KCNIP3: variants seen among roughly 807,000 people sequenced by gnomAD.
The protein encoded by KCNIP3 is calsenilin.
Under a neutral mutation model 35.0 loss-of-function variants are expected in KCNIP3, and 28 were observed. The ratio of observed to expected loss-of-function variants is 0.80; its 90% CI spans 0.59 to 1.10. KCNIP3 has a LOEUF of 1.10. KCNIP3 is among the 50% of genes least tolerant of loss of function. The pLI, the probability that KCNIP3 is intolerant of heterozygous loss-of-function variation, is 0.00. For synonymous variants in KCNIP3, 134 were observed against 133.8 expected (o/e 1.00, Z -0.01); for missense variants, 295 against 338.4 (o/e 0.87, Z 1.01).
chr2:95,301,712 A>G (rs1469439617), intron 1 of KCNIP3, among the ~76,000 whole-genome samples: 1 of 151,998 alleles, frequency 6.6e-6, no homozygotes, highest in East Asian at 1.9e-4. Context: ...GGGCAACTCA[A>G]GTTCACCCCT....
intron 2 of KCNIP3, among the ~76,000 whole-genome samples, chr2:95,351,797 T>G (rs1466375835): frequency 6.6e-6 from 1 of 152,000 alleles, no homozygotes; most frequent in Non-Finnish European, 1.5e-5. Context: ...CTCATCAACA[T>G]AGCAAGACCC....
At chr2:95,325,980 C>T (rs1262073048) in intron 2 of KCNIP3, among the ~76,000 whole-genome samples, 1 of 151,086 alleles carries the variant, frequency 6.6e-6, no homozygotes, top group African/African-American at 2.4e-5. Flanking sequence ...CACACATACA[C>T]TCCTACACAC....
At chr2:95,370,035 TTTTC>T (rs1484588587) in intron 2 of KCNIP3, among the ~76,000 whole-genome samples, 2 of 152,224 alleles carry the variant, frequency 1.3e-5, no homozygotes, top group African/African-American at 4.8e-5. Flanking sequence ...TTATGCTTTC[TTTTC>T]TTTATTTCTT....
intron 2 of KCNIP3, chr2:95,313,029 C>T (rs1318004059): frequency 6.6e-6 from 1 of 152,490 alleles, no homozygotes. Context: ...GGAGCTGGCA[C>T]AGGCTCTGGG....
At chr2:95,326,661 G>A (rs1438082859) in intron 2 of KCNIP3, among the ~76,000 whole-genome samples, 3 of 152,228 alleles carry the variant, frequency 2.0e-5, no homozygotes, top group Non-Finnish European at 4.4e-5. Flanking sequence ...TCTCCCCAGA[G>A]GACAGGCCTC....
intron 2 of KCNIP3, among the ~76,000 whole-genome samples, chr2:95,346,452 C>T (rs1364796509): frequency 6.6e-6 from 1 of 150,414 alleles, no homozygotes; most frequent in Non-Finnish European, 1.5e-5. Context: ...CCGGGCGGGG[C>T]GGGGCCGGCT....
At chr2:95,348,204 C>G (rs1573505068) in intron 2 of KCNIP3, among the ~76,000 whole-genome samples, 1 of 152,336 alleles carries the variant, frequency 6.6e-6, no homozygotes, top group Middle Eastern at 3.4e-3. Context: ...AGAGGGGTGC[C>G]ACCAGGAGCT....
At position 95,322,877 on chromosome 2, in the gene KCNIP3, C is replaced by T. The variant is rs79580913; in HGVS notation, c.181+12357C>T. Among the ~76,000 whole-genome samples the T allele has an allele frequency of 4.8e-3, 732 of 152,336 alleles. 6 individuals are homozygous for T. Among genetic ancestry groups the T allele is most frequent in the African/African-American group, 0.016 (685 of 41,572 alleles). Reference sequence around the variant, plus strand: ...TTCTGAGTACTGCGAGGCCCTGTGCCCCTCTGCTCAGAGCACTCCTCAAAC... The same window carrying T: ...TTCTGAGTACTGCGAGGCCCTGTGCTCCTCTGCTCAGAGCACTCCTCAAAC... On this transcript the variant is annotated intron_variant, in intron 2 of 8. Coordinates refer to ENST00000295225, the MANE Select transcript of KCNIP3 (RefSeq NM_013434.5).
chr2:95,383,127 ACCCACCCGCCCATCCAC>A, intron 7 of KCNIP3, 88 bp from the exon 8 acceptor site: 1 of 247,708 alleles, frequency 4.0e-6, no homozygotes, highest in Non-Finnish European at 7.9e-6. Context: ...CCGCCCATCC[ACCCACCCGCCCATCCAC>A]CCACCCATGA....
At chr2:95,342,105 C>T (rs1050405202) in intron 2 of KCNIP3, among the ~76,000 whole-genome samples, 1 of 151,918 alleles carries the variant, frequency 6.6e-6, no homozygotes, top group African/African-American at 2.4e-5. Flanking sequence ...GTGCGAAGAC[C>T]CTGAGATGAG....
intron 5 of KCNIP3, among the ~76,000 whole-genome samples, chr2:95,381,253 GCACTCACACAGGTTCACA>G (rs1167104898): frequency 6.6e-6 from 1 of 152,184 alleles, no homozygotes; most frequent in Non-Finnish European, 1.5e-5. Context: ...ACATGCGCAT[GCACTCACACAGGTTCACA>G]CACTCACACA....
At chr2:95,316,305 G>A (rs543129514) in intron 2 of KCNIP3, among the ~76,000 whole-genome samples, 29 of 152,208 alleles carry the variant, frequency 1.9e-4, no homozygotes, top group Non-Finnish European at 2.9e-4. Flanking sequence ...CAGGAGGCCC[G>A]CCGGGCACCG....
intron 2 of KCNIP3, chr2:95,313,803 G>A (rs1182425659): frequency 6.6e-6 from 1 of 152,054 alleles, no homozygotes; most frequent in African/African-American, 2.4e-5. Context: ...TGAATGGGAC[G>A]AAGCCAGGGC....
At chr2:95,311,591 T>C (rs1678319739) in intron 2 of KCNIP3, 1 of 152,216 alleles carries the variant, frequency 6.6e-6, no homozygotes. Context: ...GCAGGCACAG[T>C]GGCTGACAGC....
intron 2 of KCNIP3, among the ~76,000 whole-genome samples, chr2:95,322,033 C>A (rs978328007): frequency 1.3e-5 from 2 of 152,158 alleles, no homozygotes; most frequent in Non-Finnish European, 2.9e-5. Flanking sequence ...TCTAACCTCT[C>A]TGAGCCTCAG....
rs113278660 is a variant in KCNIP3 at position 95,382,403 on chromosome 2, C to T, written c.582C>T (p.Ile194=). 4 of 1,605,996 alleles carry T rather than the reference C, an allele frequency of 2.5e-6. No homozygotes were observed. Among genetic ancestry groups the T allele is most frequent in the South Asian group, 1.1e-5 (1 of 90,186 alleles). ...KEEMLAIMKS[I]YDMMGRHTYP... ...AGATGCTGGCCATCATGAAGTCCAT[C>T]TATGACATGATGGGCCGCCACACCT... is the stretch of plus-strand genomic sequence containing the variant. Residue 194 remains isoleucine, a synonymous_variant, in exon 7 of 9, where the codon ATC becomes ATT. Transcript: ENST00000295225. This position sits in a 1 kb window ranked among gnomAD's most constrained non-coding sequence, Gnocchi z 4.5.
At chr2:95,347,955 G>A (rs903239054) in intron 2 of KCNIP3, among the ~76,000 whole-genome samples, 1 of 152,248 alleles carries the variant, frequency 6.6e-6, no homozygotes, top group Non-Finnish European at 1.5e-5. Context: ...GCCCCTGCCT[G>A]GGAGCTGCCC....
chr2:95,327,863 C>T (rs1433882734), intron 2 of KCNIP3, among the ~76,000 whole-genome samples: 4 of 152,240 alleles, frequency 2.6e-5, no homozygotes, highest in Non-Finnish European at 5.9e-5. Flanking sequence ...GGGAAGCCTT[C>T]CCCTCTGCCT....
intron 2 of KCNIP3, among the ~76,000 whole-genome samples, chr2:95,372,206 ACCAT>A (rs139014615): frequency 0.041 from 6,301 of 152,028 alleles, 166 homozygotes; most frequent in East Asian, 0.12. Context: ...AAGGATTCTT[ACCAT>A]CCATCCATCC....
Sources: allele counts gnomAD v4.1 joint callset (sites outside exome capture counted in the v4.1 genomes callset), GRCh38; gene constraint gnomAD v4.1.1; non-coding constraint Gnocchi (gnomAD v3.1); transcripts MANE v1.5; gene names NCBI Gene and HGNC (gene_info 2026-07-23, HGNC 2026-07-21).